Variants in PUM1 observed in about 807,000 individuals in gnomAD.
PUM1 encodes the protein pumilio RNA binding family member 1.
Under a neutral mutation model 131.8 loss-of-function variants are expected in PUM1, and 13 were observed. That is an observed-to-expected ratio of 0.10 (90% confidence interval 0.06 to 0.16). PUM1 has a LOEUF of 0.16. PUM1 is among the 10% of genes least tolerant of loss of function. The pLI, the probability that PUM1 is intolerant of heterozygous loss-of-function variation, is 1.00. For synonymous variants in PUM1, 509 were observed against 556.5 expected (o/e 0.91, Z 1.20); for missense variants, 961 against 1,512.4 (o/e 0.64, Z 6.05).
At chr1:31,033,022 C>T (rs1050481666) in intron 2 of PUM1, among the ~76,000 whole-genome samples, 2 of 150,880 alleles carry the variant, frequency 1.3e-5, no homozygotes, top group African/African-American at 2.4e-5. Flanking sequence ...AGGAGAATCG[C>T]TTGAATCCTG....
intron 7 of PUM1, among the ~76,000 whole-genome samples, chr1:30,986,386 T>C (rs1051994766): frequency 1.3e-5 from 2 of 152,208 alleles, no homozygotes; most frequent in Non-Finnish European, 2.9e-5. Flanking sequence ...AAAAGGTTTA[T>C]TTTGGAGTCA....
rs963087371 is a variant in PUM1, at chr1:31,039,281, C to T, written c.364-10417G>A. Among the ~76,000 whole-genome samples the T allele has an allele frequency of 1.1e-4, 16 of 151,082 alleles. 1 individual carries two copies. Among genetic ancestry groups the T allele is most frequent in the African/African-American group, 2.9e-4 (12 of 41,050 alleles). On this transcript the variant is annotated intron_variant, in intron 2 of 21. Transcript: ENST00000426105. ...TCACCCAGGCTGGAGTGCAGTGGCA[C>T]GATCTCAGCTCACTGCAAGCTCCCT... is the stretch of plus-strand genomic sequence containing the variant.
chr1:30,931,945 A>C lies in PUM1; in HGVS notation c.*1266T>G, dbSNP rs1335096810. The C allele has an allele frequency of 6.6e-6, 1 of 152,628 alleles. No individual in the cohort carries two copies. Among genetic ancestry groups the C allele is most frequent in the Admixed American group, 6.5e-5 (1 of 15,276 alleles). The allele number at this position is 152,628 out of a possible 1,614,324, so 9.5% of individuals were successfully genotyped here. On this transcript the variant is annotated 3_prime_UTR_variant, in exon 22 of 22. Coordinates refer to ENST00000426105, the MANE Select transcript of PUM1 (RefSeq NM_001020658.2). ...ATTAAAAAAACACTAGTGAGAACTC[A>C]ATCTTGAATAACATTTAGAAAGAAT...
chr1:31,046,637 A>G (rs1425792218), intron 2 of PUM1, among the ~76,000 whole-genome samples: 1 of 151,060 alleles, frequency 6.6e-6, no homozygotes, highest in Non-Finnish European at 1.5e-5. Context: ...CCTCCTAAGT[A>G]GCTGGGATTA....
At chr1:30,961,278 G>A (rs898992797) in intron 14 of PUM1, among the ~76,000 whole-genome samples, 4 of 151,192 alleles carry the variant, frequency 2.6e-5, no homozygotes, top group African/African-American at 9.7e-5. Flanking sequence ...GAGAGGCCAA[G>A]GCAAGAGGAT....
At chr1:31,019,400 TTAGA>T (rs1212369463) in intron 3 of PUM1, among the ~76,000 whole-genome samples, 2 of 152,180 alleles carry the variant, frequency 1.3e-5, no homozygotes, top group Non-Finnish European at 2.9e-5. Context: ...AAATTAGATA[TTAGA>T]TAGAATTGCA....
At chr1:30,947,517 G>C (rs988698492) in intron 17 of PUM1, among the ~76,000 whole-genome samples, 1 of 152,206 alleles carries the variant, frequency 6.6e-6, no homozygotes, top group Non-Finnish European at 1.5e-5. Flanking sequence ...TATAGAAAGA[G>C]AGACACTGGG....
At chr1:30,966,481 G>T in intron 12 of PUM1, 1 of 549,782 alleles carries the variant, frequency 1.8e-6, no homozygotes, top group Non-Finnish European at 3.1e-6. Flanking sequence ...AATACCACTA[G>T]AACAAGTTCA....
At chr1:31,036,062 A>C (rs1643600395) in intron 2 of PUM1, among the ~76,000 whole-genome samples, 2 of 152,070 alleles carry the variant, frequency 1.3e-5, no homozygotes, top group Non-Finnish European at 2.9e-5. Flanking sequence ...GATCCGAAAT[A>C]GAATTCAAAC....
intron 2 of PUM1, among the ~76,000 whole-genome samples, chr1:31,055,045 T>C (rs1485788968): frequency 2.6e-5 from 4 of 152,228 alleles, no homozygotes; most frequent in Non-Finnish European, 5.9e-5. Context: ...GGAAATACAA[T>C]AGCCCAATGC....
intron 2 of PUM1, among the ~76,000 whole-genome samples, chr1:31,044,026 C>T (rs779657671): frequency 1.1e-4 from 16 of 150,434 alleles, no homozygotes; most frequent in Middle Eastern, 3.4e-3. Context: ...CCATAATAGC[C>T]AAAAAAGAAG....
intron 8 of PUM1, among the ~76,000 whole-genome samples, chr1:30,981,085 T>C (rs1641338062): frequency 6.6e-6 from 1 of 152,122 alleles, no homozygotes; most frequent in Non-Finnish European, 1.5e-5. Flanking sequence ...ACATCTGAGG[T>C]AGGGCAATGG....
chr1:31,013,409 G>A (rs1196181465), intron 3 of PUM1, among the ~76,000 whole-genome samples: 1 of 152,186 alleles, frequency 6.6e-6, no homozygotes, highest in Non-Finnish European at 1.5e-5. Flanking sequence ...AATACAGGCT[G>A]CACAGAGCAT....
intron 8 of PUM1, among the ~76,000 whole-genome samples, chr1:30,980,404 GTA>G (rs2124468036): frequency 6.6e-6 from 1 of 152,200 alleles, no homozygotes; most frequent in Non-Finnish European, 1.5e-5. Context: ...ACTTAAAACT[GTA>G]TATAGTTATA....
intron 5 of PUM1, among the ~76,000 whole-genome samples, chr1:31,003,244 A>C (rs1016082007): frequency 6.6e-6 from 1 of 152,202 alleles, no homozygotes; most frequent in Non-Finnish European, 1.5e-5. Context: ...AGAAGCAGAA[A>C]TCCTATCTTC....
At chr1:30,980,425 A>G (rs1406521095) in intron 8 of PUM1, among the ~76,000 whole-genome samples, 1 of 152,356 alleles carries the variant, frequency 6.6e-6, no homozygotes, top group East Asian at 1.9e-4. Flanking sequence ...TAAATTCAGC[A>G]TTTCTAAAAG....
chr1:30,995,303 G>C, intron 5 of PUM1, 83 bp from the exon 6 acceptor site: 5 of 1,414,390 alleles, frequency 3.5e-6, no homozygotes, highest in Non-Finnish European at 4.9e-6. Context: ...GACTACACTA[G>C]ATGCTACTCA....
Position 30,968,684 on chromosome 1 carries a change from CTTACT to C in PUM1, c.1507-197_1507-193del, listed in dbSNP as rs139497232. Among the ~76,000 whole-genome samples the C allele has an allele frequency of 4.0e-3, 616 of 152,300 alleles. 6 individuals carry two copies. The highest frequency in any genetic ancestry group is 0.014 in the African/African-American group (583 of 41,554). Reference sequence around the variant, plus strand: ...TAGAGTGGAATTTCATTCTACCATTCTTACTTTAAACACATTATCTCTATAAGCAG... The same window carrying C: ...TAGAGTGGAATTTCATTCTACCATTCTTAAACACATTATCTCTATAAGCAG... On this transcript the variant is annotated intron_variant, in intron 10 of 21. Transcript: ENST00000426105.
chr1:31,003,549 G>A (rs767268522), intron 5 of PUM1, among the ~76,000 whole-genome samples: 1 of 152,114 alleles, frequency 6.6e-6, no homozygotes, highest in Non-Finnish European at 1.5e-5. Context: ...CTGAGGTCAG[G>A]AGTTTGAGAC....
Sources: gnomAD v4.1 joint callset for allele counts (sites outside exome capture counted in the v4.1 genomes callset) on GRCh38, gnomAD v4.1.1 for gene constraint, MANE v1.5 for transcripts, NCBI Gene and HGNC (gene_info 2026-07-23, HGNC 2026-07-21) for gene names.